STAC: variants seen among roughly 807,000 people sequenced by gnomAD.
STAC encodes the protein SH3 and cysteine-rich domain-containing protein.
In STAC, 43 loss-of-function variants were observed where a neutral mutation model predicts 48.8. That is an observed-to-expected ratio of 0.88 (90% confidence interval 0.69 to 1.14). The LOEUF (loss-of-function observed/expected upper bound fraction) is 1.14. STAC is among the 50% of genes most tolerant of loss of function. STAC has a pLI of 0.00. For synonymous variants in STAC, 193 were observed against 179.5 expected, an observed-to-expected ratio of 1.07 and a Z score of -0.60; for missense variants, 497 against 504.0, an observed-to-expected ratio of 0.99 and a Z score of 0.13.
chr3:36,539,500 G>A (rs1209872882), intron 10 of STAC, among the ~76,000 whole-genome samples: 2 of 152,084 alleles, frequency 1.3e-5, no homozygotes, highest in Non-Finnish European at 2.9e-5. Flanking sequence ...AAGGACAATG[G>A]CCTCCAGCTC....
At chr3:36,437,931 G>GTTATTATTATTCTTA (rs1696197077) in intron 1 of STAC, among the ~76,000 whole-genome samples, 1 of 140,576 alleles carries the variant, frequency 7.1e-6, no homozygotes. Flanking sequence ...TATTCATTGA[G>GTTATTATTATTCTTA]TTATTATTAT....
chr3:36,522,384 G>T (rs948503114), intron 8 of STAC, among the ~76,000 whole-genome samples: 1 of 152,108 alleles, frequency 6.6e-6, no homozygotes, highest in East Asian at 1.9e-4. Flanking sequence ...ACCATCTAAT[G>T]GGCGCTTATC....
chr3:36,516,713 A>C (rs1233499174), intron 8 of STAC, among the ~76,000 whole-genome samples: 1 of 152,152 alleles, frequency 6.6e-6, no homozygotes, highest in African/African-American at 2.4e-5. Flanking sequence ...CTCTGACACT[A>C]TCTGTGTCAA....
At chr3:36,542,322 G>T (rs766591789) in intron 10 of STAC, among the ~76,000 whole-genome samples, 1 of 152,116 alleles carries the variant, frequency 6.6e-6, no homozygotes, top group Non-Finnish European at 1.5e-5. Flanking sequence ...TTAGTGGTTT[G>T]CTTGTGGCCC....
intron 5 of STAC, among the ~76,000 whole-genome samples, chr3:36,492,779 C>A (rs982771312): frequency 1.3e-5 from 2 of 152,154 alleles, no homozygotes; most frequent in African/African-American, 4.8e-5. Flanking sequence ...TTTAAAACAC[C>A]TGTAGAAAGA....
chr3:36,506,907 A>G (rs1049473825), intron 8 of STAC, among the ~76,000 whole-genome samples: 2 of 152,178 alleles, frequency 1.3e-5, no homozygotes, highest in Non-Finnish European at 2.9e-5. Context: ...CTATTTGAAT[A>G]TGCTTTATTT....
At chr3:36,490,469 T>C (rs9872063) in intron 5 of STAC, among the ~76,000 whole-genome samples, 68,761 of 151,994 alleles carry the variant, frequency 0.45, 16,212 homozygotes, top group East Asian at 0.61. Flanking sequence ...GAACAAGCCT[T>C]TCTCAAATCT....
chr3:36,421,680 A>C (rs555775620), intron 1 of STAC, among the ~76,000 whole-genome samples: 1 of 152,166 alleles, frequency 6.6e-6, no homozygotes, highest in African/African-American at 2.4e-5. Flanking sequence ...TTATTCATTT[A>C]TATCTTCCTG....
At chr3:36,471,229 T>G (rs1289621762) in intron 2 of STAC, among the ~76,000 whole-genome samples, 1 of 152,046 alleles carries the variant, frequency 6.6e-6, no homozygotes, top group Non-Finnish European at 1.5e-5. Flanking sequence ...AACCTATCAG[T>G]TCTCGTGAGA....
intron 8 of STAC, among the ~76,000 whole-genome samples, chr3:36,511,137 T>C (rs1362455191): frequency 6.6e-6 from 1 of 151,808 alleles, no homozygotes; most frequent in African/African-American, 2.4e-5. Flanking sequence ...CAGCTTGAGG[T>C]TCCTCGTGTT....
At chr3:36,537,215 A>G (rs1699219325) in intron 10 of STAC, among the ~76,000 whole-genome samples, 1 of 152,238 alleles carries the variant, frequency 6.6e-6, no homozygotes, top group Non-Finnish European at 1.5e-5. Context: ...AGGAATATAA[A>G]TCATTTTATT....
intron 1 of STAC, among the ~76,000 whole-genome samples, chr3:36,390,813 T>TA (rs1261465664): frequency 2.0e-5 from 3 of 152,156 alleles, no homozygotes; most frequent in Non-Finnish European, 4.4e-5. Flanking sequence ...TTTGAATGTT[T>TA]AAAAAAATGC....
intron 1 of STAC, among the ~76,000 whole-genome samples, chr3:36,425,669 A>G (rs1048208961): frequency 1.9e-4 from 29 of 152,244 alleles, no homozygotes; most frequent in African/African-American, 6.8e-4. Context: ...AAAGGTGTGT[A>G]TGAACTCTAT....
intron 6 of STAC, among the ~76,000 whole-genome samples, chr3:36,496,157 A>G (rs1305877726): frequency 6.6e-6 from 1 of 152,210 alleles, no homozygotes; most frequent in East Asian, 1.9e-4. Flanking sequence ...CTGAGCAAGC[A>G]ATAAACTCCC....
At chr3:36,389,506 G>A (rs1699705846) in intron 1 of STAC, among the ~76,000 whole-genome samples, 1 of 151,880 alleles carries the variant, frequency 6.6e-6, no homozygotes, top group South Asian at 2.1e-4. Context: ...GAATTTCAGG[G>A]GAACACAAAC....
intron 8 of STAC, among the ~76,000 whole-genome samples, chr3:36,521,590 A>G (rs1315420670): frequency 6.6e-6 from 1 of 152,164 alleles, no homozygotes; most frequent in Non-Finnish European, 1.5e-5. Flanking sequence ...AAGGTTTTCC[A>G]TAGCTCCGAA....
intron 1 of STAC, among the ~76,000 whole-genome samples, chr3:36,412,570 A>G (rs1291462562): frequency 6.6e-6 from 1 of 152,194 alleles, no homozygotes; most frequent in Admixed American, 6.5e-5. Context: ...AAAGTGCCAA[A>G]GATATTCTTC....
chr3:36,438,360 T>C (rs1432066016), intron 1 of STAC, among the ~76,000 whole-genome samples: 2 of 152,186 alleles, frequency 1.3e-5, no homozygotes, highest in African/African-American at 4.8e-5. Context: ...TCTTTTACCA[T>C]TATTATTATA....
chr3:36,477,236 A>G (rs1697517364), intron 2 of STAC, among the ~76,000 whole-genome samples: 1 of 152,140 alleles, frequency 6.6e-6, no homozygotes, highest in African/African-American at 2.4e-5. Context: ...ACTGTTGTTC[A>G]TTGTTGATCT....
Sources: gnomAD v4.1 joint callset for allele counts (sites outside exome capture counted in the v4.1 genomes callset) on GRCh38, gnomAD v4.1.1 for gene constraint, MANE v1.5 for transcripts, NCBI Gene and HGNC (gene_info 2026-07-23, HGNC 2026-07-21) for gene names.